Variants in RASSF5 observed in about 807,000 individuals in gnomAD.
The protein encoded by RASSF5 is Ras association domain family member 5, also known as ras association domain-containing protein 5.
A neutral mutation model predicts 40.5 loss-of-function variants in RASSF5; 25 were observed. That is an observed-to-expected ratio of 0.62 (90% CI 0.45 to 0.86). The LOEUF (loss-of-function observed/expected upper bound fraction) is 0.86, where lower values mean the gene tolerates loss of function less well. Ranked by LOEUF, RASSF5 falls within the 40% of genes least tolerant of loss-of-function variation. The pLI is 0.00. For synonymous variants in RASSF5, 246 were observed against 252.4 expected (o/e 0.97, Z 0.24); for missense variants, 521 against 572.8 (o/e 0.91, Z 0.92).
At position 206,584,405 on chromosome 1, in the gene RASSF5, A is replaced by G. The variant is rs1553407042; in HGVS notation, c.709A>G (p.Thr237Ala). The G allele has an allele frequency of 6.2e-7, 1 of 1,613,372 alleles. No homozygotes were observed. Reference sequence around the variant, plus strand: ...CTGGCAGAGTGAAGACGGCACCTACACGGGTTTCATCAAAGTGCATCTGAA... The same window carrying G: ...CTGGCAGAGTGAAGACGGCACCTACGCGGGTTTCATCAAAGTGCATCTGAA... ...GMKLSEDGTY[T>A]GFIKVHLKLR... Residue 237 changes from threonine (T) to alanine (A), a missense_variant, in exon 4 of 6, where the codon ACG becomes GCG. Physicochemically the swap from Thr to Ala is moderately conservative, Grantham distance 58. Around this residue, in one of 2 missense-constraint regions of RASSF5, gnomAD observed 284 missense variants for 360.8 expected, o/e 0.79. Transcript: ENST00000579436. The surrounding 1 kb of genome is among the most constrained non-coding windows in gnomAD (Gnocchi z 4.9).
chr1:206,551,460 C>T (rs1667838653), intron 2 of RASSF5, among the ~76,000 whole-genome samples: 1 of 152,198 alleles, frequency 6.6e-6, no homozygotes, highest in Admixed American at 6.5e-5. Context: ...TCACAGACTC[C>T]TGCCACACTT....
chr1:206,563,312 T>G (rs1342041176), intron 2 of RASSF5, among the ~76,000 whole-genome samples: 5 of 152,194 alleles, frequency 3.3e-5, no homozygotes, highest in African/African-American at 1.2e-4. Context: ...TGCCACCGTT[T>G]CTGCGCCAGG....
At chr1:206,565,818 CAG>C (rs776820719) in intron 2 of RASSF5, among the ~76,000 whole-genome samples, 3 of 152,290 alleles carry the variant, frequency 2.0e-5, no homozygotes, top group Non-Finnish European at 2.9e-5. Flanking sequence ...GACACAGTGA[CAG>C]AGCTGCACCA....
At chr1:206,533,847 C>T (rs978577063) in intron 1 of RASSF5, among the ~76,000 whole-genome samples, 18 of 152,226 alleles carry the variant, frequency 1.2e-4, no homozygotes, top group African/African-American at 3.6e-4. Context: ...AAGATGAGGT[C>T]GCACTGGAGT....
At position 206,535,534 on chromosome 1, in the gene RASSF5, T is replaced by G. The variant is rs1553398499; in HGVS notation, c.458-2638T>G. 6.6e-6 allele frequency among the ~76,000 whole-genome samples: 1 copy of G among 152,200 alleles called. No individual in the cohort carries two copies. Among genetic ancestry groups the G allele is most frequent in the South Asian group, 2.1e-4 (1 of 4,828 alleles). On this transcript the variant is annotated intron_variant, in intron 1 of 5. Coordinates refer to ENST00000579436, the MANE Select transcript of RASSF5 (RefSeq NM_182663.4). The surrounding 1 kb of genome is among the most constrained non-coding windows in gnomAD (Gnocchi z 5.0). ...TCCAGGACGAGGAAGTATGAAGATGTGCTTCAGAGGTTTTGCTGCAGCCTG... is the reference window on the plus strand; with the variant it reads ...TCCAGGACGAGGAAGTATGAAGATGGGCTTCAGAGGTTTTGCTGCAGCCTG...
intron 2 of RASSF5, among the ~76,000 whole-genome samples, chr1:206,549,918 T>G (rs1048240278): frequency 6.6e-6 from 1 of 152,182 alleles, no homozygotes; most frequent in African/African-American, 2.4e-5. Flanking sequence ...TTTCTTCCCA[T>G]GCACACACCG....
chr1:206,579,429 G>A lies in RASSF5; in HGVS notation c.580-3840G>A, dbSNP rs1412070257. On this transcript the variant is annotated intron_variant, in intron 2 of 5. Transcript: ENST00000579436. This position sits in a 1 kb window ranked among gnomAD's most constrained non-coding sequence, Gnocchi z 4.2. The stretch of plus-strand genomic sequence containing the variant: ...GGACAGATCCTTAAGAATCTGGCAG[G>A]TGAATAGGAATCAGAGTCTTTGTCT... 6.6e-6 allele frequency among the ~76,000 whole-genome samples: 1 copy of A among 152,212 alleles called. No homozygotes were observed.
Position 206,566,276 on chromosome 1 carries a change from T to G in RASSF5, c.580-16993T>G, listed in dbSNP as rs575465207. On this transcript the variant is annotated intron_variant, in intron 2 of 5. Transcript: ENST00000579436. ...CAGCTTTGAAAGGCTCCAAATAAGCTCCAGTCACCCCTCTCAAGCTCTGAT... is the reference window on the plus strand; with the variant it reads ...CAGCTTTGAAAGGCTCCAAATAAGCGCCAGTCACCCCTCTCAAGCTCTGAT... Among the ~76,000 whole-genome samples the G allele has an allele frequency of 6.6e-5, 10 of 152,214 alleles. 1 individual carries two copies. In the South Asian group the frequency reaches 2.1e-3, roughly 32 times the overall value.
chr1:206,529,923 T>A lies in RASSF5; in HGVS notation c.458-8249T>A, dbSNP rs6666583. Among the ~76,000 whole-genome samples, 482 of 151,904 alleles carry A rather than the reference T, an allele frequency of 3.2e-3. 1 individual carries two copies. The highest frequency in any genetic ancestry group is 0.011 in the African/African-American group (451 of 41,390). ...CAGTGAGACCCTGCCTCAAAAAAAA[T>A]AAATACAATAAAATAAAAATTAAAA... On this transcript the variant is annotated intron_variant, in intron 1 of 5. Coordinates refer to ENST00000579436, the MANE Select transcript of RASSF5 (RefSeq NM_182663.4).
intron 2 of RASSF5, among the ~76,000 whole-genome samples, chr1:206,565,128 C>A (rs1243320622): frequency 6.6e-6 from 1 of 152,110 alleles, no homozygotes; most frequent in Non-Finnish European, 1.5e-5. Flanking sequence ...GTCTCTGCCC[C>A]ACCCTCCTAG....
In RASSF5 at chr1:206,585,127, GC is replaced by G. The variant is rs560512424; in HGVS notation, c.989-49del. On this transcript the variant is annotated intron_variant, in intron 4 of 5. Coordinates refer to ENST00000579436, the MANE Select transcript of RASSF5 (RefSeq NM_182663.4). ...TTCCAATCCTTTCCCGCAAGCCTGG[GC>G]CCCGCCCTTCTTTTCTGGGAAGAGC... The G allele has an allele frequency of 7.8e-5, 108 of 1,389,210 alleles. 1 individual carries two copies. The South Asian group carries it at 1.2e-3, about 15-fold the overall frequency. The allele number at this position is 1,389,210 out of a possible 1,614,324, so 86.1% of individuals were successfully genotyped here.
At chr1:206,578,770 A>G (rs927334678) in intron 2 of RASSF5, among the ~76,000 whole-genome samples, 2 of 152,066 alleles carry the variant, frequency 1.3e-5, no homozygotes, top group Admixed American at 6.5e-5. Context: ...CCCTGGGCCC[A>G]CCTGGGAATA....
chr1:206,557,302 C>T (rs1668016395), intron 2 of RASSF5: 1 of 1,244,284 alleles, frequency 8.0e-7, no homozygotes, highest in South Asian at 2.3e-5. Context: ...GGGAGTGAGG[C>T]GCGAGCCGGG....
intron 2 of RASSF5, among the ~76,000 whole-genome samples, chr1:206,561,929 A>T (rs1431536185): frequency 6.6e-6 from 1 of 151,810 alleles, no homozygotes; most frequent in Non-Finnish European, 1.5e-5. Context: ...CGGCCTCCCA[A>T]GGTGCTGGGA....
At chr1:206,508,953 T>C (rs1666542000) in intron 1 of RASSF5, among the ~76,000 whole-genome samples, 1 of 152,138 alleles carries the variant, frequency 6.6e-6, no homozygotes, top group South Asian at 2.1e-4. Flanking sequence ...GTTAGGGGTG[T>C]GTATGCCTTT....
chr1:206,578,258 G>C (rs1001813248), intron 2 of RASSF5, among the ~76,000 whole-genome samples: 2 of 151,406 alleles, frequency 1.3e-5, no homozygotes, highest in Non-Finnish European at 2.9e-5. Flanking sequence ...GTGTGTGTGT[G>C]TGTGTAAGTA....
At chr1:206,547,475 T>A (rs1033820236) in intron 2 of RASSF5, among the ~76,000 whole-genome samples, 1 of 151,726 alleles carries the variant, frequency 6.6e-6, no homozygotes, top group Admixed American at 6.6e-5. Context: ...CTTATGAGAA[T>A]CTAATGGCTG....
intron 2 of RASSF5, among the ~76,000 whole-genome samples, chr1:206,539,496 C>T (rs782544962): frequency 5.9e-5 from 9 of 152,194 alleles, no homozygotes; most frequent in South Asian, 2.1e-4. Flanking sequence ...CCAGCTGTTC[C>T]CTCACGCCTT....
chr1:206,587,365 T>C lies in RASSF5; in HGVS notation c.*387T>C, dbSNP rs1669160126. 1 of 316,554 alleles carries C rather than the reference T, an allele frequency of 3.2e-6. No individual in the cohort carries two copies. The highest frequency in any genetic ancestry group is 6.1e-6 in the Non-Finnish European group (1 of 163,300). 19.6% of individuals were successfully genotyped at this position (316,554 alleles called of 1,614,324 possible). A position where few individuals can be genotyped will look rare whatever the true frequency, so the allele number is the denominator to read the frequency against. On this transcript the variant is annotated 3_prime_UTR_variant, in exon 6 of 6. Coordinates refer to ENST00000579436, the MANE Select transcript of RASSF5 (RefSeq NM_182663.4). The stretch of plus-strand genomic sequence containing the variant: ...GTTCTTTCTCTGGCATTGATTCCTC[T>C]TTGAGTTCTCTTACTTGCCACGTAC...
Sources: allele counts gnomAD v4.1 joint callset (sites outside exome capture counted in the v4.1 genomes callset), GRCh38; gene constraint gnomAD v4.1.1; regional missense constraint gnomAD v4.1.1; non-coding constraint Gnocchi (gnomAD v3.1); transcripts MANE v1.5; gene names NCBI Gene and HGNC (gene_info 2026-07-23, HGNC 2026-07-21).